Variants in RGS12 observed in about 807,000 individuals in gnomAD.
The protein encoded by RGS12 is regulator of G-protein signaling 12.
A neutral mutation model predicts 120.1 loss-of-function variants in RGS12; 66 were observed. The observed-to-expected ratio is 0.55, with a 90% CI of 0.45 to 0.67. The LOEUF is 0.67. Among genes scored for constraint, RGS12 ranks in the 30% least tolerant of loss-of-function variants. The pLI is 0.00. For synonymous variants in RGS12, 827 were observed against 804.7 expected (o/e 1.03, Z -0.47); for missense variants, 1,859 against 1,957.7 (o/e 0.95, Z 0.95).
At chr4:3,375,975 T>C (rs1717646084) in intron 3 of RGS12, among the ~76,000 whole-genome samples, 1 of 152,196 alleles carries the variant, frequency 6.6e-6, no homozygotes, top group Non-Finnish European at 1.5e-5. Flanking sequence ...CTTCTGAGAC[T>C]GGGCGAGCTG....
intron 4 of RGS12, among the ~76,000 whole-genome samples, chr4:3,403,896 TG>T (rs1329900711): frequency 1.3e-5 from 2 of 152,156 alleles, no homozygotes; most frequent in African/African-American, 4.8e-5. Flanking sequence ...GCTATTGACG[TG>T]GGGTGATGTG....
intron 1 of RGS12, among the ~76,000 whole-genome samples, chr4:3,299,383 C>T (rs1271998553): frequency 6.6e-6 from 1 of 152,174 alleles, no homozygotes; most frequent in Non-Finnish European, 1.5e-5. Context: ...TCTACCTGTG[C>T]TCTAGCCATT....
intron 4 of RGS12, among the ~76,000 whole-genome samples, chr4:3,399,055 A>C (rs1411256723): frequency 2.0e-5 from 3 of 152,216 alleles, no homozygotes; most frequent in Non-Finnish European, 2.9e-5. Flanking sequence ...TCAAGGAAGA[A>C]ATTAAAATGG....
intron 4 of RGS12, 73 bp from the exon 5 acceptor site, chr4:3,413,999 G>T: frequency 6.9e-7 from 1 of 1,442,168 alleles, no homozygotes; most frequent in East Asian, 2.5e-5. Context: ...AGGGTCTCCT[G>T]TGGGCGGGCA....
At chr4:3,437,792 G>A (rs1318800963) in intron 17 of RGS12, among the ~76,000 whole-genome samples, 1 of 152,228 alleles carries the variant, frequency 6.6e-6, no homozygotes. Context: ...CTGCGTCGAG[G>A]CCAGGATGAG....
intron 4 of RGS12, among the ~76,000 whole-genome samples, chr4:3,391,218 TG>T (rs1719463942): frequency 6.6e-6 from 1 of 152,214 alleles, no homozygotes; most frequent in African/African-American, 2.4e-5. Context: ...TTGTAGGGTG[TG>T]GAATACCGTA....
At chr4:3,352,793 G>A (rs1714487223) in intron 3 of RGS12, among the ~76,000 whole-genome samples, 2 of 152,108 alleles carry the variant, frequency 1.3e-5, no homozygotes, top group Non-Finnish European at 2.9e-5. Flanking sequence ...AATAAGTCTT[G>A]TTATCAGGCA....
chr4:3,337,227 T>A lies in RGS12; in HGVS notation c.1882-5710T>A, dbSNP rs141782092. On this transcript the variant is annotated intron_variant, in intron 2 of 17. Transcript: ENST00000336727. ...TCACAAGAGAGAAAAATGACCCGTGTTGGGCAGGATGCGGAGGAGTTGGAG... is the reference window on the plus strand; with the variant it reads ...TCACAAGAGAGAAAAATGACCCGTGATGGGCAGGATGCGGAGGAGTTGGAG... 2.0e-3 allele frequency among the ~76,000 whole-genome samples: 312 copies of A among 152,308 alleles called. 1 individual carries two copies. Among genetic ancestry groups the A allele is most frequent in the African/African-American group, 7.0e-3 (291 of 41,568 alleles).
Position 3,369,926 on chromosome 4 carries a change from G to A in RGS12, c.1999-16490G>A, listed in dbSNP as rs554961803. 61 of 780,036 alleles carry A rather than the reference G, an allele frequency of 7.8e-5. No individual in the cohort carries two copies. In the South Asian group the frequency reaches 2.4e-3, roughly 31 times the overall value. The allele number at this position is 780,036 out of a possible 1,614,324, so 48.3% of individuals were successfully genotyped here. A position where few individuals can be genotyped will look rare whatever the true frequency, so the allele number is the denominator to read the frequency against. Reference sequence around the variant, plus strand: ...TAATTAAGGTTGTGAACTGCACCACGATGCTAAAAAAAACAAATTCTCTGC... The same window carrying A: ...TAATTAAGGTTGTGAACTGCACCACAATGCTAAAAAAAACAAATTCTCTGC... On this transcript the variant is annotated intron_variant, in intron 3 of 17. Coordinates refer to ENST00000336727, the MANE Select transcript of RGS12 (RefSeq NM_001394154.1).
At chr4:3,315,526 A>T (rs1186288525) in intron 1 of RGS12, among the ~76,000 whole-genome samples, 2 of 152,190 alleles carry the variant, frequency 1.3e-5, no homozygotes, top group Non-Finnish European at 2.9e-5. Flanking sequence ...GGGTCATGGA[A>T]TATTAGGTGA....
At chr4:3,292,728 G>C (rs1272126116), upstream of RGS12, among the ~76,000 whole-genome samples, 1 of 152,216 alleles carries the variant, frequency 6.6e-6, no homozygotes, top group Non-Finnish European at 1.5e-5. Context: ...ACCAGGGCCG[G>C]GCCAGTGCGG....
chr4:3,370,526 C>T (rs554522510), intron 3 of RGS12, among the ~76,000 whole-genome samples: 9 of 152,366 alleles, frequency 5.9e-5, no homozygotes, highest in Non-Finnish European at 8.8e-5. Context: ...CAGCACGTCC[C>T]GGGCCCGACA....
In RGS12 at chr4:3,401,553, G is replaced by A. The variant is rs529473410; in HGVS notation, c.2021-12519G>A. ...ACTTGGTGAGGAGGGGAGTTCTCAC[G>A]CTGTCCCTGTGAAGTCCGAGCACGG... On this transcript the variant is annotated intron_variant, in intron 4 of 17. Coordinates refer to ENST00000336727, the MANE Select transcript of RGS12 (RefSeq NM_001394154.1). Among the ~76,000 whole-genome samples the A allele has an allele frequency of 5.3e-5, 8 of 152,336 alleles. No individual in the cohort carries two copies. In the South Asian group the frequency reaches 1.7e-3, roughly 32 times the overall value.
chr4:3,334,368 C>G (rs1471640440), intron 2 of RGS12, among the ~76,000 whole-genome samples: 2 of 152,196 alleles, frequency 1.3e-5, no homozygotes, highest in Non-Finnish European at 2.9e-5. Context: ...ACCATACTTG[C>G]ATTCCTGAGA....
At chr4:3,330,414 G>A (rs565582464) in intron 2 of RGS12, among the ~76,000 whole-genome samples, 1 of 152,332 alleles carries the variant, frequency 6.6e-6, no homozygotes, top group South Asian at 2.1e-4. Flanking sequence ...CCCAGTTAAA[G>A]TGAGAGAATG....
Position 3,365,844 on chromosome 4 carries a change from C to T in RGS12, c.1999-20572C>T, listed in dbSNP as rs1716248168. Among the ~76,000 whole-genome samples, 1 of 152,146 alleles carries T rather than the reference C, an allele frequency of 6.6e-6. No individual in the cohort carries two copies. The highest frequency in any genetic ancestry group is 1.5e-5 in the Non-Finnish European group (1 of 68,036). On this transcript the variant is annotated intron_variant, in intron 3 of 17. Coordinates refer to ENST00000336727, the MANE Select transcript of RGS12 (RefSeq NM_001394154.1). This position sits in a 1 kb window ranked among gnomAD's most constrained non-coding sequence, Gnocchi z 4.0. ...AACTGTCCTTAAGATCCTGTGAACT[C>T]CGGACATGTAATAGGATTCTTCAGT...
intron 17 of RGS12, among the ~76,000 whole-genome samples, chr4:3,435,271 C>G (rs896093263): frequency 6.6e-6 from 1 of 152,154 alleles, no homozygotes; most frequent in Non-Finnish European, 1.5e-5. Flanking sequence ...AAAGTACCCC[C>G]CATGGCATGG....
chr4:3,326,278 G>A (rs530014568), intron 2 of RGS12, among the ~76,000 whole-genome samples: 83 of 152,178 alleles, frequency 5.5e-4, no homozygotes, highest in African/African-American at 1.8e-3. Context: ...ACAAAGTCTC[G>A]CTCTGTCACC....
At chr4:3,322,425 A>G (rs773602943) in intron 2 of RGS12, among the ~76,000 whole-genome samples, 6 of 152,196 alleles carry the variant, frequency 3.9e-5, no homozygotes, top group Non-Finnish European at 7.3e-5. Context: ...GCTGGTTCTC[A>G]TGGAGATAAG....
Sources: allele counts gnomAD v4.1 joint callset (sites outside exome capture counted in the v4.1 genomes callset), GRCh38; gene constraint gnomAD v4.1.1; non-coding constraint Gnocchi (gnomAD v3.1); transcripts MANE v1.5; gene names NCBI Gene and HGNC (gene_info 2026-07-23, HGNC 2026-07-21).